Variants in GPR135 observed in about 807,000 individuals in gnomAD.
GPR135 encodes G protein-coupled receptor 135, also known as G-protein coupled receptor 135.
Under a neutral mutation model 15.0 loss-of-function variants are expected in GPR135, and 17 were observed. The ratio of observed to expected loss-of-function variants is 1.13; its 90% CI spans 0.78 to 1.70. GPR135 has a LOEUF of 1.70. GPR135 is among the 40% of genes most tolerant of loss of function. The pLI is 0.00. For missense variants in GPR135, 776 were observed against 727.0 expected, an observed-to-expected ratio of 1.07 and a Z score of -0.78; for synonymous variants, 368 against 349.4, an observed-to-expected ratio of 1.05 and a Z score of -0.59.
Position 59,464,268 on chromosome 14 carries a change from A to ACG in GPR135, c.957_958dup (p.Val320AlafsTer18), listed in dbSNP as rs745560859. Reference sequence around the variant, plus strand: ...GCGCACCTCGCTGAAGAAGCGCAGCACGCGCGCGTAGGTGTTCACCGGCCG... The same window carrying ACG: ...GCGCACCTCGCTGAAGAAGCGCAGCACGCGCGCGCGTAGGTGTTCACCGGCCG... On this transcript the variant is annotated frameshift_variant, in exon 1 of 1. Transcript: ENST00000395116. LOFTEE classifies it high-confidence loss of function. 1 of 1,612,130 alleles carries ACG rather than the reference A, an allele frequency of 6.2e-7. No homozygotes were observed. Among genetic ancestry groups the ACG allele is most frequent in the African/African-American group, 1.3e-5 (1 of 74,940 alleles).
chr14:59,464,905 G>A lies in GPR135; in HGVS notation c.322C>T (p.Leu108Phe). The A allele has an allele frequency of 4.4e-6, 7 of 1,602,244 alleles. No individual in the cohort carries two copies. The highest frequency in any genetic ancestry group is 6.0e-6 in the Non-Finnish European group (7 of 1,175,504). Residue 108 changes from leucine to phenylalanine, a missense_variant, in exon 1 of 1, where the codon CTC becomes TTC. Physicochemically the swap from Leu to Phe is conservative, Grantham distance 22 (BLOSUM62 0). Transcript: ENST00000395116. The stretch of plus-strand genomic sequence containing the variant: ...AGCAGGAAGATGAGCAGGAGGACGA[G>A]CGCCTGGGCCGCCACTGCAGCTCCG... ...SHGAAVAAQA[L>F]VLLLIFLLSS...
chr14:59,464,326 AGATGTG>A lies in GPR135; in HGVS notation c.895_900del (p.His299_Ile300del). ...ACGTCCGACAGGCGCACCGTCTTGC[AGATGTG>A]GTAGTGGCAGAAGCACATGAGCAGG... On this transcript the variant is annotated inframe_deletion, in exon 1 of 1. Transcript: ENST00000395116. 1 of 1,610,990 alleles carries A rather than the reference AGATGTG, an allele frequency of 6.2e-7. No individual in the cohort carries two copies. The highest frequency in any genetic ancestry group is 8.5e-7 in the Non-Finnish European group (1 of 1,178,974).
At chr14:59,456,108 T>A (rs541920053), downstream of GPR135, among the ~76,000 whole-genome samples, 1 of 152,248 alleles carries the variant, frequency 6.6e-6, no homozygotes, top group South Asian at 2.1e-4. Context: ...TGCAAACATA[T>A]GTCAATATGA....
At position 59,465,104 on chromosome 14, in the gene GPR135, C is replaced by G. The variant is rs1480566765; in HGVS notation, c.123G>C (p.Val41=). The part of the protein sequence containing the change: ...GGTSSAATAA[V]LSFSTVATAA... ...CGGTCGCCACGGTGCTGAAGGAGAG[C>G]ACGGCCGCCGTGGCCGCGGAGGAAG... Residue 41 remains valine, a synonymous_variant, in exon 1 of 1, where the codon GTG becomes GTC. Transcript: ENST00000395116. 1 of 1,383,898 alleles carries G rather than the reference C, an allele frequency of 7.2e-7. No individual in the cohort carries two copies. Among genetic ancestry groups the G allele is most frequent in the Non-Finnish European group, 9.4e-7 (1 of 1,068,144 alleles). The allele number at this position is 1,383,898 out of a possible 1,614,324, so 85.7% of individuals were successfully genotyped here.
In GPR135 at chr14:59,464,619, G is replaced by T; in HGVS notation, c.608C>A (p.Ala203Glu). Residue 203 changes from alanine to glutamate, a missense_variant, in exon 1 of 1, where the codon GCG becomes GAG. Physicochemically the swap from Ala to Glu is moderately radical, Grantham distance 107 (BLOSUM62 -1). Transcript: ENST00000395116. Reference sequence around the variant, plus strand: ...GCAGTAACGGTCCAACGAGATGAGCGCCACGCTGAGCGTGGACACGATGCC... The same window carrying T: ...GCAGTAACGGTCCAACGAGATGAGCTCCACGCTGAGCGTGGACACGATGCC... ...CFGIVSTLSV[A>E]LISLDRYCAI... 3 of 1,597,144 alleles carry T rather than the reference G, an allele frequency of 1.9e-6. No homozygotes were observed. The highest frequency in any genetic ancestry group is 1.7e-6 in the Non-Finnish European group (2 of 1,178,228).
chr14:59,455,119 A>T (rs1172608713), intron 6 of GPR135, among the ~76,000 whole-genome samples: 1 of 151,484 alleles, frequency 6.6e-6, no homozygotes, highest in Non-Finnish European at 1.5e-5. Flanking sequence ...AAAATCAAGG[A>T]GAATTTAGAT....
At position 59,464,387 on chromosome 14, in the gene GPR135, C is replaced by T. The variant is rs749431494; in HGVS notation, c.840G>A (p.Gly280=). 3.1e-6 allele frequency: 5 copies of T among 1,603,886 alleles called. No individual in the cohort carries two copies. Among genetic ancestry groups the T allele is most frequent in the Non-Finnish European group, 4.3e-6 (5 of 1,176,170 alleles). The part of the protein sequence containing the change: ...PAQLGAAFSV[G]LVVACYLLPF... ...GCAGCAGGTAGCAGGCCACCACCAGCCCCACGCTGAAGGCCGCGCCCAGCT... is the reference window on the plus strand; with the variant it reads ...GCAGCAGGTAGCAGGCCACCACCAGTCCCACGCTGAAGGCCGCGCCCAGCT... The change falls in exon 1 of 1, where the codon GGG becomes GGA. Residue 280 remains glycine (G), a synonymous_variant. Coordinates refer to ENST00000395116, the MANE Select transcript of GPR135 (RefSeq NM_022571.6).
intron 6 of GPR135, among the ~76,000 whole-genome samples, chr14:59,453,428 G>T (rs1888554279): frequency 6.6e-6 from 1 of 152,186 alleles, no homozygotes; most frequent in Admixed American, 6.5e-5. Flanking sequence ...AAGTTGAAAA[G>T]ATGCCATGTT....
downstream of GPR135, among the ~76,000 whole-genome samples, chr14:59,457,082 G>C (rs1888680042): frequency 6.6e-6 from 1 of 152,178 alleles, no homozygotes; most frequent in Non-Finnish European, 1.5e-5. Flanking sequence ...GCTAAATATA[G>C]GATTCTTGGT....
chr14:59,453,089 A>G (rs997728465), intron 6 of GPR135, among the ~76,000 whole-genome samples: 1 of 152,204 alleles, frequency 6.6e-6, no homozygotes. Context: ...AAAGGGATGA[A>G]TGGATGGAGC....
At position 59,464,071 on chromosome 14, in the gene GPR135, T is replaced by C. The variant is rs200868185; in HGVS notation, c.1156A>G (p.Ile386Val). 8.1e-5 allele frequency: 130 copies of C among 1,613,072 alleles called. 2 individuals carry two copies. In the Admixed American group the frequency reaches 1.7e-3, roughly 21 times the overall value. Reference protein sequence around the residue: ...TWANGAINPVIYAIRNPNISM... With the variant: ...TWANGAINPVVYAIRNPNISM... ...ATGTTGGGATTGCGGATGGCGTAGA[T>C]GACAGGGTTGATGGCCCCATTGGCC... is the stretch of plus-strand genomic sequence containing the variant. The change falls in exon 1 of 1, where the codon ATC becomes GTC. Residue 386 changes from isoleucine to valine, a missense_variant. Physicochemically the swap from Ile to Val is conservative, Grantham distance 29. Transcript: ENST00000395116.
rs941524032 is a variant in GPR135 at position 59,464,927 on chromosome 14, T to A, written c.300A>T (p.Gly100=). The change falls in exon 1 of 1, where the codon GGA becomes GGT. Residue 100 remains glycine (G), a synonymous_variant. Coordinates refer to ENST00000395116, the MANE Select transcript of GPR135 (RefSeq NM_022571.6). The part of the protein sequence containing the change: ...GPEAAPLLSH[G]AAVAAQALVL... ...CGAGCGCCTGGGCCGCCACTGCAGC[T>A]CCGTGCGACAGCAGCGGCGCCGCCT... 5 of 1,585,106 alleles carry A rather than the reference T, an allele frequency of 3.2e-6. No individual in the cohort carries two copies. The highest frequency in any genetic ancestry group is 4.3e-6 in the Non-Finnish European group (5 of 1,168,664).
downstream of GPR135, among the ~76,000 whole-genome samples, chr14:59,458,295 C>T (rs976011618): frequency 2.6e-5 from 4 of 152,306 alleles, no homozygotes; most frequent in South Asian, 6.2e-4. Flanking sequence ...AATTGCTCCA[C>T]AGTCTGATCC....
rs1385479125 is a variant in GPR135, at chr14:59,463,677, G to A, written c.*65C>T. 11 of 1,431,122 alleles carry A rather than the reference G, an allele frequency of 7.7e-6. No individual in the cohort carries two copies. The highest frequency in any genetic ancestry group is 1.4e-5 in the African/African-American group (1 of 70,488). The allele number at this position is 1,431,122 out of a possible 1,614,324, so 88.7% of individuals were successfully genotyped here. On this transcript the variant is annotated 3_prime_UTR_variant, in exon 1 of 1. Coordinates refer to ENST00000395116, the MANE Select transcript of GPR135 (RefSeq NM_022571.6). ...TTATGAAATCCACAACTCTCCCCCA[G>A]AATCTTCCATCATTAAATAATGCGA...
At chr14:59,455,254 T>C (rs546695186) in intron 6 of GPR135, among the ~76,000 whole-genome samples, 2 of 152,318 alleles carry the variant, frequency 1.3e-5, no homozygotes, top group South Asian at 4.1e-4. Context: ...TTGGGGCACC[T>C]GAAAGCAAAG....
chr14:59,457,142 G>C (rs974388351), downstream of GPR135, among the ~76,000 whole-genome samples: 4 of 152,058 alleles, frequency 2.6e-5, no homozygotes, highest in African/African-American at 9.7e-5. Flanking sequence ...TCTACCTTCC[G>C]GCCTCCATTG....
rs1889054468 is a variant in GPR135 at position 59,464,748 on chromosome 14, G to C, written c.479C>G (p.Ala160Gly). The C allele has an allele frequency of 6.4e-7, 1 of 1,567,236 alleles. No individual in the cohort carries two copies. The highest frequency in any genetic ancestry group is 8.6e-7 in the Non-Finnish European group (1 of 1,156,440). ...LLTALLCLPA[A>G]FLDLFTPPGG... ...GGGCGGAGTGAAGAGGTCCAGGAAG[G>C]CGGCGGGCAGGCAGAGCAGCGCCGT... The change falls in exon 1 of 1, where the codon GCC (alanine) becomes GGC (glycine). Residue 160 changes from alanine (A) to glycine (G), a missense_variant. By Grantham distance (60) the Ala-to-Gly change is moderately conservative. Coordinates refer to ENST00000395116, the MANE Select transcript of GPR135 (RefSeq NM_022571.6).
At chr14:59,453,997 G>C (rs1888572225) in intron 6 of GPR135, among the ~76,000 whole-genome samples, 2 of 152,112 alleles carry the variant, frequency 1.3e-5, no homozygotes, top group African/African-American at 4.8e-5. Context: ...AAGGGAAGTG[G>C]GGCCAACTAT....
At chr14:59,455,399 A>C (rs942519136) in intron 6 of GPR135, among the ~76,000 whole-genome samples, 1 of 152,192 alleles carries the variant, frequency 6.6e-6, no homozygotes, top group African/African-American at 2.4e-5. Context: ...GAAGGGGTTC[A>C]TTTTACACTG....
Sources: allele counts gnomAD v4.1 joint callset (sites outside exome capture counted in the v4.1 genomes callset), GRCh38; gene constraint gnomAD v4.1.1; transcripts MANE v1.5; gene names NCBI Gene and HGNC (gene_info 2026-07-23, HGNC 2026-07-21).